The following NSMCE2 variants were observed in gnomAD, a reference collection of about 807,000 sequenced individuals.
NSMCE2 encodes the protein E3 SUMO-protein ligase NSE2.
In NSMCE2, 24 loss-of-function variants were observed where a neutral mutation model predicts 23.8. The ratio of observed to expected loss-of-function variants is 1.01; its 90% CI spans 0.73 to 1.42. The LOEUF is 1.42. Ranked by LOEUF, NSMCE2 falls within the 40% of genes most tolerant of loss-of-function variation. NSMCE2 has a pLI of 0.00. For synonymous variants in NSMCE2, 92 were observed against 94.1 expected (o/e 0.98, Z 0.13); for missense variants, 284 against 296.5 (o/e 0.96, Z 0.31).
chr8:125,281,911 A>G (rs1434395912), intron 5 of NSMCE2, among the ~76,000 whole-genome samples: 1 of 151,988 alleles, frequency 6.6e-6, no homozygotes, highest in Non-Finnish European at 1.5e-5. Flanking sequence ...AGAAGGCTCC[A>G]ATATACTTCC....
intron 5 of NSMCE2, among the ~76,000 whole-genome samples, chr8:125,216,669 C>T (rs1230225974): frequency 6.6e-6 from 1 of 150,964 alleles, no homozygotes; most frequent in Non-Finnish European, 1.5e-5. Flanking sequence ...GGGTTTTGGG[C>T]AAATGCACAA....
intron 5 of NSMCE2, among the ~76,000 whole-genome samples, chr8:125,299,729 A>G (rs1382931314): frequency 2.6e-5 from 4 of 151,234 alleles, no homozygotes; most frequent in Non-Finnish European, 4.4e-5. Flanking sequence ...ATAACCAAAG[A>G]ACTTTTGGCT....
intron 4 of NSMCE2, among the ~76,000 whole-genome samples, chr8:125,180,440 CAT>C (rs983403622): frequency 6.6e-6 from 1 of 152,178 alleles, no homozygotes. Context: ...GCTTAATTCT[CAT>C]TTTCTATTTA....
At chr8:125,199,679 A>G (rs562802186) in intron 5 of NSMCE2, among the ~76,000 whole-genome samples, 183 of 152,262 alleles carry the variant, frequency 1.2e-3, no homozygotes, top group Admixed American at 2.7e-3. Context: ...AGTTTTGTAG[A>G]TGTCTATTAG....
intron 5 of NSMCE2, among the ~76,000 whole-genome samples, chr8:125,269,431 T>C (rs959275577): frequency 1.3e-5 from 2 of 152,206 alleles, no homozygotes; most frequent in African/African-American, 2.4e-5. Flanking sequence ...ATGGCTGATT[T>C]GGTCTTTGAA....
In NSMCE2 at chr8:125,357,828, C is replaced by T. The variant is rs187036231; in HGVS notation, c.626+10C>T. On this transcript the variant is annotated intron_variant, in intron 7 of 7. Transcript: ENST00000287437. ...GGAAGAAAAAGGCCTAGTGAGTGGACGCAGGGAAGGAAGTGGAGCCTTCCC... is the reference window on the plus strand; with the variant it reads ...GGAAGAAAAAGGCCTAGTGAGTGGATGCAGGGAAGGAAGTGGAGCCTTCCC... 23 of 1,590,928 alleles carry T rather than the reference C, an allele frequency of 1.4e-5. No homozygotes were observed. The highest frequency in any genetic ancestry group is 2.2e-5 in the East Asian group (1 of 44,780).
chr8:125,362,035 TTG>T (rs1259516444), intron 7 of NSMCE2, among the ~76,000 whole-genome samples: 1 of 152,168 alleles, frequency 6.6e-6, no homozygotes, highest in Non-Finnish European at 1.5e-5. Context: ...GCAGTCACCT[TTG>T]TGTTTGCCCT....
At chr8:125,157,470 C>G (rs1461341827) in intron 4 of NSMCE2, among the ~76,000 whole-genome samples, 1 of 152,150 alleles carries the variant, frequency 6.6e-6, no homozygotes, top group East Asian at 1.9e-4. Context: ...TCTTCAGACA[C>G]TTGGAATGTG....
intron 3 of NSMCE2, among the ~76,000 whole-genome samples, chr8:125,118,567 C>T (rs1459602211): frequency 1.3e-5 from 2 of 152,174 alleles, no homozygotes; most frequent in African/African-American, 4.8e-5. Flanking sequence ...GGCACCAGAA[C>T]ACTTCTTATG....
chr8:125,136,980 T>C (rs1820100843), intron 3 of NSMCE2, among the ~76,000 whole-genome samples: 1 of 152,182 alleles, frequency 6.6e-6, no homozygotes, highest in South Asian at 2.1e-4. Context: ...TTGAATGGGA[T>C]AAGTATAATG....
intron 5 of NSMCE2, among the ~76,000 whole-genome samples, chr8:125,216,570 G>A (rs1824593665): frequency 9.2e-5 from 14 of 151,602 alleles, no homozygotes; most frequent in Admixed American, 9.2e-4. Flanking sequence ...GGAGGCGGAG[G>A]TTGCGGTGAT....
intron 5 of NSMCE2, among the ~76,000 whole-genome samples, chr8:125,248,249 AT>A (rs1826069890): frequency 6.6e-6 from 1 of 152,202 alleles, no homozygotes; most frequent in African/African-American, 2.4e-5. Flanking sequence ...GCTTGGGAAG[AT>A]TTATGAGCTG....
At chr8:125,366,384 C>A (rs574433608) in intron 7 of NSMCE2, among the ~76,000 whole-genome samples, 41 of 152,164 alleles carry the variant, frequency 2.7e-4, no homozygotes, top group South Asian at 4.2e-4. Context: ...ATTAAAAATA[C>A]CAAAAATTAG....
chr8:125,157,453 T>C (rs780117171), intron 4 of NSMCE2, among the ~76,000 whole-genome samples: 14 of 152,356 alleles, frequency 9.2e-5, no homozygotes, highest in Middle Eastern at 3.4e-3. Flanking sequence ...TGACTTTAGG[T>C]ATTCACTCTT....
intron 5 of NSMCE2, among the ~76,000 whole-genome samples, chr8:125,198,647 C>G (rs1823733237): frequency 6.6e-6 from 1 of 152,156 alleles, no homozygotes; most frequent in African/African-American, 2.4e-5. Context: ...GTCTAAAATT[C>G]TCTTTTTTTG....
At chr8:125,225,419 T>C (rs180806992) in intron 5 of NSMCE2, among the ~76,000 whole-genome samples, 69 of 152,360 alleles carry the variant, frequency 4.5e-4, no homozygotes, top group Admixed American at 1.0e-3. Flanking sequence ...TAAATAGTTA[T>C]TCAGAGCCCT....
chr8:125,305,862 T>G lies in NSMCE2; in HGVS notation c.419-51357T>G, dbSNP rs1013173221. ...TTGAGCCTTGCCCTCACAGAGCTTATAGTCTAGTGGAGAGGCTTAGTAAAA... is the reference window on the plus strand; with the variant it reads ...TTGAGCCTTGCCCTCACAGAGCTTAGAGTCTAGTGGAGAGGCTTAGTAAAA... On this transcript the variant is annotated intron_variant, in intron 5 of 7. Coordinates refer to ENST00000287437, the MANE Select transcript of NSMCE2 (RefSeq NM_173685.4). 2.7e-4 allele frequency among the ~76,000 whole-genome samples: 41 copies of G among 152,166 alleles called. 1 individual carries two copies. Among genetic ancestry groups the G allele is most frequent in the African/African-American group, 9.9e-4 (41 of 41,430 alleles).
chr8:125,159,174 A>G (rs1409003047), intron 4 of NSMCE2, among the ~76,000 whole-genome samples: 5 of 152,242 alleles, frequency 3.3e-5, no homozygotes, highest in Non-Finnish European at 7.3e-5. Context: ...TTATTACAGT[A>G]TACTGTTATC....
At chr8:125,329,486 T>C (rs1348230027) in intron 5 of NSMCE2, among the ~76,000 whole-genome samples, 1 of 152,222 alleles carries the variant, frequency 6.6e-6, no homozygotes, top group East Asian at 1.9e-4. Flanking sequence ...TTTGTTTACA[T>C]TGAGGGTTAG....
Sources: gnomAD v4.1 joint callset for allele counts (sites outside exome capture counted in the v4.1 genomes callset) on GRCh38, gnomAD v4.1.1 for gene constraint, MANE v1.5 for transcripts, NCBI Gene and HGNC (gene_info 2026-07-23, HGNC 2026-07-21) for gene names.